The following XYLT1 variants were observed in gnomAD, a reference collection of about 807,000 sequenced individuals.
XYLT1 encodes xylosyltransferase 1, also known as beta-D-xylosyltransferase 1.
In XYLT1, 36 loss-of-function variants were observed where a neutral mutation model predicts 91.3. The ratio of observed to expected loss-of-function variants is 0.39; its 90% confidence interval spans 0.30 to 0.52. The LOEUF (loss-of-function observed/expected upper bound fraction) is 0.52, where lower values mean the gene tolerates loss of function less well. Ranked by LOEUF, XYLT1 falls within the 20% of genes least tolerant of loss-of-function variation. XYLT1 has a pLI of 0.68. For missense variants in XYLT1, 1,242 were observed against 1,284.5 expected (o/e 0.97, Z 0.51); for synonymous variants, 588 against 532.0 (o/e 1.11, Z -1.45).
intron 1 of XYLT1, among the ~76,000 whole-genome samples, chr16:17,374,796 G>A (rs1472626091): frequency 6.6e-6 from 1 of 152,074 alleles, no homozygotes; most frequent in Non-Finnish European, 1.5e-5. Flanking sequence ...AGTATTTGTA[G>A]GCTGAAACAA....
intron 1 of XYLT1, among the ~76,000 whole-genome samples, chr16:17,452,791 A>G (rs2036684111): frequency 6.6e-6 from 1 of 152,204 alleles, no homozygotes; most frequent in Non-Finnish European, 1.5e-5. Context: ...CAAGTTAATT[A>G]TCAGTTGTAA....
intron 5 of XYLT1, among the ~76,000 whole-genome samples, chr16:17,197,156 T>C (rs2032445828): frequency 6.6e-6 from 1 of 151,638 alleles, no homozygotes; most frequent in African/African-American, 2.4e-5. Context: ...ACTTTATCTC[T>C]CTTGTTATGC....
At chr16:17,459,526 G>A (rs1009108860) in intron 1 of XYLT1, among the ~76,000 whole-genome samples, 2 of 152,028 alleles carry the variant, frequency 1.3e-5, no homozygotes, top group African/African-American at 4.8e-5. Flanking sequence ...TGGATTCCTG[G>A]GGCTCGTTTA....
At chr16:17,446,580 A>G (rs1478336693) in intron 1 of XYLT1, among the ~76,000 whole-genome samples, 10 of 152,202 alleles carry the variant, frequency 6.6e-5, no homozygotes, top group Non-Finnish European at 1.0e-4. Flanking sequence ...TGTCATATTC[A>G]GAAAACACAG....
intron 2 of XYLT1, 84 bp downstream of exon 2, chr16:17,357,928 G>A: frequency 6.7e-7 from 1 of 1,498,300 alleles, no homozygotes; most frequent in South Asian, 1.2e-5. Flanking sequence ...GGCCTGTCCA[G>A]CCTTTCAGAG....
At chr16:17,450,164 C>T (rs2036646190) in intron 1 of XYLT1, among the ~76,000 whole-genome samples, 1 of 151,966 alleles carries the variant, frequency 6.6e-6, no homozygotes, top group African/African-American at 2.4e-5. Flanking sequence ...ATGGTGAAAC[C>T]CCACCTCTAC....
At chr16:17,371,449 C>T (rs189946921) in intron 1 of XYLT1, among the ~76,000 whole-genome samples, 3 of 152,294 alleles carry the variant, frequency 2.0e-5, no homozygotes, top group African/African-American at 7.2e-5. Flanking sequence ...TAAGTCAAGG[C>T]AAGTCCTCCC....
At chr16:17,156,504 T>A (rs939498350) in intron 6 of XYLT1, among the ~76,000 whole-genome samples, 2 of 152,230 alleles carry the variant, frequency 1.3e-5, no homozygotes, top group African/African-American at 4.8e-5. Context: ...CCAGCCCCAC[T>A]TTGCTCCTGC....
At chr16:17,432,114 G>T (rs1458531126) in intron 1 of XYLT1, among the ~76,000 whole-genome samples, 1 of 152,146 alleles carries the variant, frequency 6.6e-6, no homozygotes, top group Non-Finnish European at 1.5e-5. Context: ...CTCAAACACT[G>T]CTGGCAGGAA....
At chr16:17,115,184 G>C (rs541646842) in intron 11 of XYLT1, among the ~76,000 whole-genome samples, 15 of 152,036 alleles carry the variant, frequency 9.9e-5, no homozygotes, top group Non-Finnish European at 2.2e-4. Flanking sequence ...CCTTGTTGGG[G>C]CTGGGTGTGG....
chr16:17,338,971 C>T (rs965041010), intron 2 of XYLT1, among the ~76,000 whole-genome samples: 10 of 152,104 alleles, frequency 6.6e-5, no homozygotes, highest in Admixed American at 2.0e-4. Context: ...GATAACACTC[C>T]GCAAGGGAGA....
rs1478524823 is a variant in XYLT1, at chr16:17,105,834, T to C, written c.*2861A>G. On this transcript the variant is annotated 3_prime_UTR_variant, in exon 12 of 12. Transcript: ENST00000261381. ...GGCCTCCAACAAATAAATAAATCATTCTCAGGCAGGTTAAAAAAATTATTT... is the reference window on the plus strand; with the variant it reads ...GGCCTCCAACAAATAAATAAATCATCCTCAGGCAGGTTAAAAAAATTATTT... 6.6e-6 allele frequency: 1 copy of C among 151,892 alleles called. No individual in the cohort carries two copies. The highest frequency in any genetic ancestry group is 2.4e-5 in the African/African-American group (1 of 41,318). The allele number at this position is 151,892 out of a possible 1,614,324, so 9.4% of individuals were successfully genotyped here. A position where few individuals can be genotyped will look rare whatever the true frequency, so the allele number is the denominator to read the frequency against.
chr16:17,300,671 G>A (rs1421343413), intron 2 of XYLT1, among the ~76,000 whole-genome samples: 1 of 151,458 alleles, frequency 6.6e-6, no homozygotes, highest in Non-Finnish European at 1.5e-5. Context: ...CCTTGGCCAC[G>A]CTGGTCTGGA....
At chr16:17,190,955 G>T (rs890523678) in intron 5 of XYLT1, among the ~76,000 whole-genome samples, 1 of 152,140 alleles carries the variant, frequency 6.6e-6, no homozygotes, top group African/African-American at 2.4e-5. Context: ...TGAAAAATGG[G>T]GATATCAAGA....
At chr16:17,189,568 G>C (rs1177738314) in intron 5 of XYLT1, among the ~76,000 whole-genome samples, 1 of 152,194 alleles carries the variant, frequency 6.6e-6, no homozygotes, top group Non-Finnish European at 1.5e-5. Flanking sequence ...AGAATGCTGA[G>C]TATATTGACT....
At chr16:17,401,100 G>A (rs2035963355) in intron 1 of XYLT1, among the ~76,000 whole-genome samples, 1 of 152,094 alleles carries the variant, frequency 6.6e-6, no homozygotes, top group Non-Finnish European at 1.5e-5. Context: ...ATTCCAATCA[G>A]CCCCAGCTCA....
At chr16:17,317,793 C>T (rs754212816) in intron 2 of XYLT1, among the ~76,000 whole-genome samples, 9 of 152,000 alleles carry the variant, frequency 5.9e-5, no homozygotes, top group African/African-American at 2.2e-4. Context: ...CTAGCTACTG[C>T]CCACCTCTGT....
At chr16:17,198,987 G>A (rs545993047) in intron 4 of XYLT1, among the ~76,000 whole-genome samples, 42 of 152,240 alleles carry the variant, frequency 2.8e-4, no homozygotes, top group African/African-American at 4.6e-4. Flanking sequence ...CAGGTGATCC[G>A]CCCACCTTGG....
At chr16:17,178,220 T>C (rs1286570380) in intron 5 of XYLT1, among the ~76,000 whole-genome samples, 4 of 152,110 alleles carry the variant, frequency 2.6e-5, no homozygotes, top group Non-Finnish European at 4.4e-5. Flanking sequence ...GTGTTTCATG[T>C]GCTCCTTACC....
Sources: gnomAD v4.1 joint callset for allele counts (sites outside exome capture counted in the v4.1 genomes callset) on GRCh38, gnomAD v4.1.1 for gene constraint, MANE v1.5 for transcripts, NCBI Gene and HGNC (gene_info 2026-07-23, HGNC 2026-07-21) for gene names.